KAZN: variants seen among roughly 807,000 people sequenced by gnomAD.
The protein encoded by KAZN is kazrin.
A neutral mutation model predicts 87.4 loss-of-function variants in KAZN; 40 were observed. That is an observed-to-expected ratio of 0.46 (90% CI 0.36 to 0.60). The LOEUF (loss-of-function observed/expected upper bound fraction) is 0.60. Ranked by LOEUF, KAZN falls within the 20% of genes least tolerant of loss-of-function variation. The probability of loss-of-function intolerance (pLI) is 0.00; values close to 1 mark genes in which losing one functional copy is unlikely to be tolerated. For missense variants in KAZN, 898 were observed against 1,073.9 expected, an observed-to-expected ratio of 0.84 and a Z score of 2.29; for synonymous variants, 466 against 458.3, an observed-to-expected ratio of 1.02 and a Z score of -0.22.
At chr1:14,964,450 A>C (rs1449705877) in intron 2 of KAZN, among the ~76,000 whole-genome samples, 1 of 152,170 alleles carries the variant, frequency 6.6e-6, no homozygotes, top group Non-Finnish European at 1.5e-5. Context: ...TCCAAGCTCA[A>C]GGTAGCGGCA....
chr1:14,069,229 G>A (rs1477798450), intron 1 of KAZN, among the ~76,000 whole-genome samples: 1 of 152,234 alleles, frequency 6.6e-6, no homozygotes, highest in Admixed American at 6.5e-5. Context: ...ATTACACAGT[G>A]CATCTTCATC....
intron 2 of KAZN, among the ~76,000 whole-genome samples, chr1:15,011,076 G>C (rs540272074): frequency 6.6e-6 from 1 of 152,286 alleles, no homozygotes; most frequent in Admixed American, 6.5e-5. Flanking sequence ...AGATAGCCAA[G>C]GGTGTTAAGA....
chr1:14,771,551 C>T (rs778057871), intron 1 of KAZN, among the ~76,000 whole-genome samples: 7 of 151,848 alleles, frequency 4.6e-5, no homozygotes, highest in South Asian at 4.2e-4. Context: ...TAGGCCTGGG[C>T]GAGGTGGCTT....
rs558561485 is a variant in KAZN at position 13,989,529 on chromosome 1, G to T, written c.91+95773G>T. Among the ~76,000 whole-genome samples, 3 of 152,296 alleles carry T rather than the reference G, an allele frequency of 2.0e-5. No homozygotes were observed. In the East Asian group the frequency reaches 5.8e-4, roughly 29 times the overall value. ...TACATAGACATAGGCCAATGCAGAA[G>T]TTAATTTTTCAGGGTTGGGTTATAA... On this transcript the variant is annotated intron_variant, in intron 1 of 16. Transcript: ENST00000636203.
intron 1 of KAZN, among the ~76,000 whole-genome samples, chr1:14,793,129 C>T (rs1266118936): frequency 2.0e-5 from 3 of 152,084 alleles, no homozygotes; most frequent in Admixed American, 6.5e-5. Flanking sequence ...AATGGACCCC[C>T]GACTTCGGTG....
intron 2 of KAZN, among the ~76,000 whole-genome samples, chr1:14,466,638 A>C (rs1668146294): frequency 6.8e-6 from 1 of 146,938 alleles, no homozygotes; most frequent in Admixed American, 6.9e-5. Context: ...CTGCACATGT[A>C]CCCCAAACTT....
intron 2 of KAZN, among the ~76,000 whole-genome samples, chr1:14,238,572 T>C (rs1158426196): frequency 2.0e-5 from 3 of 152,248 alleles, no homozygotes; most frequent in Non-Finnish European, 4.4e-5. Context: ...GCTTATCCGA[T>C]GAACAATAGC....
chr1:14,702,913 A>T (rs1642012854), intron 1 of KAZN, among the ~76,000 whole-genome samples: 1 of 152,190 alleles, frequency 6.6e-6, no homozygotes, highest in Non-Finnish European at 1.5e-5. Flanking sequence ...ATCCCCCTCC[A>T]TTAAAGAAAT....
chr1:14,959,999 C>G (rs1663650840), intron 1 of KAZN, among the ~76,000 whole-genome samples: 1 of 152,208 alleles, frequency 6.6e-6, no homozygotes, highest in Admixed American at 6.5e-5. Context: ...AACCTCTGCC[C>G]ACGGTGTCAC....
chr1:15,037,075 T>A (rs1481754995), intron 3 of KAZN, among the ~76,000 whole-genome samples: 1 of 151,702 alleles, frequency 6.6e-6, no homozygotes, highest in East Asian at 1.9e-4. Context: ...CATCTTCTGG[T>A]CGCCTCTGCT....
At chr1:15,108,137 A>G (rs1269184128) in intron 13 of KAZN, among the ~76,000 whole-genome samples, 2 of 152,222 alleles carry the variant, frequency 1.3e-5, no homozygotes, top group Non-Finnish European at 1.5e-5. Context: ...ACATAGAATG[A>G]GAGAACCTTG....
intron 1 of KAZN, among the ~76,000 whole-genome samples, chr1:14,760,945 T>C (rs1469444438): frequency 6.6e-6 from 1 of 152,184 alleles, no homozygotes; most frequent in African/African-American, 2.4e-5. Flanking sequence ...CCATAGACAA[T>C]ATGAAAACAA....
rs529222864 is a variant in KAZN at position 14,523,469 on chromosome 1, A to G, written c.250-75514A>G. Among the ~76,000 whole-genome samples the G allele has an allele frequency of 2.6e-5, 4 of 152,304 alleles. No homozygotes were observed. In the East Asian group the frequency reaches 5.8e-4, roughly 22 times the overall value. Reference sequence around the variant, plus strand: ...CAGAGACATGGAAAGGGCGGAAATAAAGAAAAGCAATGCCCAAATAGATAC... The same window carrying G: ...CAGAGACATGGAAAGGGCGGAAATAGAGAAAAGCAATGCCCAAATAGATAC... On this transcript the variant is annotated intron_variant, in intron 2 of 16. Coordinates refer to the KAZN transcript ENST00000636203.
intron 1 of KAZN, among the ~76,000 whole-genome samples, chr1:14,091,109 C>CAAAAAA (rs779056126): frequency 5.8e-5 from 3 of 51,894 alleles, no homozygotes; most frequent in Non-Finnish European, 8.2e-5. Context: ...GAGACTCTGT[C>CAAAAAA]AAAAAAAAAA....
intron 1 of KAZN, among the ~76,000 whole-genome samples, chr1:14,814,405 G>A (rs955205663): frequency 1.2e-4 from 18 of 152,182 alleles, no homozygotes; most frequent in East Asian, 5.8e-4. Context: ...TAGTAGAGAC[G>A]GGGTTTCACC....
intron 1 of KAZN, among the ~76,000 whole-genome samples, chr1:14,672,219 T>C (rs1220766413): frequency 6.6e-6 from 1 of 152,160 alleles, no homozygotes; most frequent in Non-Finnish European, 1.5e-5. Context: ...CCCAGCTGGT[T>C]GGGAAACAAA....
intron 1 of KAZN, among the ~76,000 whole-genome samples, chr1:14,659,243 T>A (rs1271789030): frequency 6.6e-6 from 1 of 151,198 alleles, no homozygotes; most frequent in African/African-American, 2.4e-5. Flanking sequence ...TAAAATAAAA[T>A]AAAAATAATA....
At chr1:14,734,846 C>T (rs1159304908) in intron 1 of KAZN, among the ~76,000 whole-genome samples, 2 of 152,192 alleles carry the variant, frequency 1.3e-5, no homozygotes, top group African/African-American at 2.4e-5. Flanking sequence ...GACCAGACTG[C>T]GTGTCCCAAG....
intron 1 of KAZN, among the ~76,000 whole-genome samples, chr1:14,040,564 C>T (rs1451174373): frequency 6.6e-6 from 1 of 152,126 alleles, no homozygotes; most frequent in Non-Finnish European, 1.5e-5. Context: ...GAGTTTGAGA[C>T]CAGCCTGACC....
Sources: gnomAD v4.1 joint callset for allele counts (sites outside exome capture counted in the v4.1 genomes callset) on GRCh38, gnomAD v4.1.1 for gene constraint, MANE v1.5 for transcripts, NCBI Gene and HGNC (gene_info 2026-07-23, HGNC 2026-07-21) for gene names.